EYS: variants seen among roughly 807,000 people sequenced by gnomAD.
The protein encoded by EYS is protein eyes shut homolog.
EYS carries 250 observed loss-of-function variants against 282.1 expected under a neutral mutation model. That is an observed-to-expected ratio of 0.89 (90% CI 0.80 to 0.98). The LOEUF (loss-of-function observed/expected upper bound fraction) is 0.98. Among genes scored for constraint, EYS ranks in the 50% least tolerant of loss-of-function variants. EYS has a pLI of 0.00. For missense variants in EYS, 4,016 were observed against 3,709.0 expected (o/e 1.08, Z -2.15); for synonymous variants, 1,355 against 1,282.9 (o/e 1.06, Z -1.20).
intron 26 of EYS, among the ~76,000 whole-genome samples, chr6:64,531,826 G>T (rs1764352703): frequency 6.6e-6 from 1 of 152,072 alleles, no homozygotes; most frequent in Non-Finnish European, 1.5e-5. Flanking sequence ...AGGCACCCTT[G>T]CTATGGTGTA....
At chr6:65,545,853 G>C (rs889871183) in intron 2 of EYS, among the ~76,000 whole-genome samples, 1 of 152,020 alleles carries the variant, frequency 6.6e-6, no homozygotes, top group Non-Finnish European at 1.5e-5. Flanking sequence ...AGATAATTAT[G>C]CAAGATTATA....
chr6:64,597,512 G>C (rs897030680), intron 24 of EYS, among the ~76,000 whole-genome samples: 2 of 152,128 alleles, frequency 1.3e-5, no homozygotes, highest in African/African-American at 4.8e-5. Flanking sequence ...ATACACAATG[G>C]AATACTAGTC....
chr6:65,133,359 T>C (rs1312416265), intron 12 of EYS, among the ~76,000 whole-genome samples: 1 of 152,034 alleles, frequency 6.6e-6, no homozygotes, highest in Non-Finnish European at 1.5e-5. Flanking sequence ...GGTATCATGT[T>C]ACCCAGTTTC....
At chr6:64,816,279 A>G (rs971308441) in intron 21 of EYS, among the ~76,000 whole-genome samples, 2 of 152,092 alleles carry the variant, frequency 1.3e-5, no homozygotes, top group Non-Finnish European at 2.9e-5. Context: ...AAAAACTGCT[A>G]GTGTAGTCCA....
intron 35 of EYS, among the ~76,000 whole-genome samples, chr6:63,968,830 G>A (rs887768979): frequency 6.6e-6 from 1 of 152,120 alleles, no homozygotes; most frequent in Non-Finnish European, 1.5e-5. Context: ...AATTTCATTG[G>A]AATTTTTCCT....
chr6:65,182,918 AG>A (rs1245956474), intron 12 of EYS, among the ~76,000 whole-genome samples: 5 of 151,818 alleles, frequency 3.3e-5, no homozygotes, highest in Non-Finnish European at 7.4e-5. Flanking sequence ...CCTCTTAAGT[AG>A]CTGGGAATAC....
intron 12 of EYS, among the ~76,000 whole-genome samples, chr6:65,110,742 T>C (rs577174862): frequency 2.2e-4 from 34 of 152,234 alleles, no homozygotes; most frequent in African/African-American, 7.7e-4. Flanking sequence ...GTACATGGAA[T>C]GGATGTAGCA....
chr6:64,504,242 T>G (rs1193972058), intron 26 of EYS, among the ~76,000 whole-genome samples: 1 of 152,172 alleles, frequency 6.6e-6, no homozygotes, highest in Non-Finnish European at 1.5e-5. Flanking sequence ...GCCCTCAGAA[T>G]GATCATCATC....
chr6:65,388,801 A>G (rs1183789175), intron 7 of EYS, among the ~76,000 whole-genome samples: 1 of 152,126 alleles, frequency 6.6e-6, no homozygotes, highest in East Asian at 1.9e-4. Context: ...ATAAAAAATG[A>G]TAAACAAGCA....
intron 35 of EYS, among the ~76,000 whole-genome samples, chr6:63,963,189 G>T (rs1249861768): frequency 6.6e-6 from 1 of 151,514 alleles, no homozygotes; most frequent in Non-Finnish European, 1.5e-5. Context: ...TGAGTTAATG[G>T]GTGCAGCACA....
chr6:64,959,344 C>T (rs1046026207), intron 14 of EYS, among the ~76,000 whole-genome samples: 1 of 152,198 alleles, frequency 6.6e-6, no homozygotes, highest in African/African-American at 2.4e-5. Context: ...ATAATCATTA[C>T]TCCTCTCCTC....
intron 22 of EYS, among the ~76,000 whole-genome samples, chr6:64,635,427 T>C (rs1407933591): frequency 6.6e-6 from 1 of 152,172 alleles, no homozygotes; most frequent in East Asian, 1.9e-4. Flanking sequence ...GCTTCCAGTT[T>C]TTGCCCATTC....
intron 29 of EYS, among the ~76,000 whole-genome samples, chr6:64,318,951 A>C (rs1227438303): frequency 6.6e-6 from 1 of 151,910 alleles, no homozygotes; most frequent in African/African-American, 2.4e-5. Flanking sequence ...TAAAAGATAC[A>C]ACCAATTATT....
intron 5 of EYS, among the ~76,000 whole-genome samples, chr6:65,429,664 T>G (rs1025320100): frequency 6.6e-6 from 1 of 152,108 alleles, no homozygotes; most frequent in Non-Finnish European, 1.5e-5. Flanking sequence ...TATTGGGACT[T>G]GACTATACAA....
At chr6:65,477,209 C>T (rs1377414554) in intron 5 of EYS, among the ~76,000 whole-genome samples, 1 of 152,024 alleles carries the variant, frequency 6.6e-6, no homozygotes, top group Non-Finnish European at 1.5e-5. Context: ...AAAACTGAAG[C>T]CATATGTTCA....
rs200508761 is a variant in EYS, at chr6:64,191,882, A to C, written c.6424+38710T>G. Among the ~76,000 whole-genome samples, 1,005 of 149,530 alleles carry C rather than the reference A, an allele frequency of 6.7e-3. 14 individuals carry two copies. Among genetic ancestry groups the C allele is most frequent in the African/African-American group, 0.021 (859 of 40,264 alleles). ...CTGGGTCAAATGGTATTTCTAGTTC[A>C]AGATCCCTGAGGAATCGCCACACTG... On this transcript the variant is annotated intron_variant, in intron 31 of 42. Coordinates refer to ENST00000503581, the MANE Select transcript of EYS (RefSeq NM_001142800.2).
chr6:65,479,037 T>G (rs1460865491), intron 5 of EYS, among the ~76,000 whole-genome samples: 1 of 150,572 alleles, frequency 6.6e-6, no homozygotes. Flanking sequence ...ATGGTTGAAC[T>G]AAAATGAATA....
intron 31 of EYS, among the ~76,000 whole-genome samples, chr6:64,093,967 G>A (rs906443275): frequency 1.4e-4 from 22 of 152,256 alleles, no homozygotes; most frequent in South Asian, 4.2e-4. Flanking sequence ...AGCATGAAGC[G>A]TTGTTGAATT....
At position 64,521,991 on chromosome 6, in the gene EYS, T is replaced by G. The variant is rs140816193; in HGVS notation, c.5644+68232A>C. Among the ~76,000 whole-genome samples, 5 of 151,888 alleles carry G rather than the reference T, an allele frequency of 3.3e-5. No individual in the cohort carries two copies. In the East Asian group the frequency reaches 9.7e-4, roughly 30 times the overall value. ...TGTTTACTGAGAGTCCATGAATGAATAAACATATAAATACACATTTTTCAT... is the reference window on the plus strand; with the variant it reads ...TGTTTACTGAGAGTCCATGAATGAAGAAACATATAAATACACATTTTTCAT... On this transcript the variant is annotated intron_variant, in intron 26 of 42. Transcript: ENST00000503581.
Sources: gnomAD v4.1 joint callset for allele counts (sites outside exome capture counted in the v4.1 genomes callset) on GRCh38, gnomAD v4.1.1 for gene constraint, MANE v1.5 for transcripts, NCBI Gene and HGNC (gene_info 2026-07-23, HGNC 2026-07-21) for gene names.